Variants in C2CD2L observed in about 807,000 individuals in gnomAD.
C2CD2L encodes C2CD2 like.
In C2CD2L, 24 loss-of-function variants were observed where a neutral mutation model predicts 69.9. The observed-to-expected ratio is 0.34, with a 90% CI of 0.25 to 0.48. C2CD2L has a LOEUF of 0.48. C2CD2L is among the 20% of genes least tolerant of loss of function. The probability of loss-of-function intolerance (pLI) is 0.99; values close to 1 mark genes in which losing one functional copy is unlikely to be tolerated. For synonymous variants in C2CD2L, 367 were observed against 391.0 expected, an observed-to-expected ratio of 0.94 and a Z score of 0.72; for missense variants, 811 against 941.5, an observed-to-expected ratio of 0.86 and a Z score of 1.81.
intron 7 of C2CD2L, 21 bp from the exon 8 acceptor site, chr11:119,112,307 C>T: frequency 6.2e-7 from 1 of 1,608,082 alleles, no homozygotes; most frequent in Non-Finnish European, 8.5e-7. Flanking sequence ...CCTTCCTGCC[C>T]CATCTCCTCT....
At chr11:119,111,809 C>T (rs1393297968) in intron 7 of C2CD2L, 180 bp downstream of exon 7, 5 of 576,844 alleles carry the variant, frequency 8.7e-6, no homozygotes, top group South Asian at 6.4e-5. Flanking sequence ...GCCCCCACCC[C>T]TGGGTCAATG....
rs1359035865 is a variant in C2CD2L, at chr11:119,117,405, C to G, written c.*1149C>G. ...GCTCCTTCTAGGATGTAATGGAGATCAAAGCTTGGACCCTGTAACTAGACT... is the reference window on the plus strand; with the variant it reads ...GCTCCTTCTAGGATGTAATGGAGATGAAAGCTTGGACCCTGTAACTAGACT... On this transcript the variant is annotated 3_prime_UTR_variant, in exon 14 of 14. Transcript: ENST00000648610. 1 of 152,238 alleles carries G rather than the reference C, an allele frequency of 6.6e-6. No homozygotes were observed. The highest frequency in any genetic ancestry group is 1.5e-5 in the Non-Finnish European group (1 of 68,060). 9.4% of individuals were successfully genotyped at this position (152,238 alleles called of 1,614,324 possible). A position where few individuals can be genotyped will look rare whatever the true frequency, so the allele number is the denominator to read the frequency against.
rs540650239 is a variant in C2CD2L, at chr11:119,116,417, C to T, written c.*161C>T. On this transcript the variant is annotated 3_prime_UTR_variant, in exon 14 of 14. Coordinates refer to ENST00000648610, the MANE Select transcript of C2CD2L (RefSeq NM_001290474.2). ...GGGCCGGTTGGAAGGATACTTGGAA[C>T]GGGAAGCACATGAGAGGTGGGCACC... The T allele has an allele frequency of 2.8e-4, 178 of 633,602 alleles. 1 individual carries two copies. Among genetic ancestry groups the T allele is most frequent in the South Asian group, 2.1e-3 (111 of 52,012 alleles). The allele number at this position is 633,602 out of a possible 1,614,324, so 39.2% of individuals were successfully genotyped here.
chr11:119,103,515 G>A (rs1297891467), upstream of C2CD2L, among the ~76,000 whole-genome samples: 2 of 152,162 alleles, frequency 1.3e-5, no homozygotes, highest in African/African-American at 4.8e-5. Context: ...TGGCCAACAC[G>A]GTGAAACCCC....
intron 7 of C2CD2L, chr11:119,111,851 A>G: frequency 1.9e-6 from 1 of 531,576 alleles, no homozygotes; most frequent in South Asian, 2.4e-5. Flanking sequence ...GTGTACATAA[A>G]GAAGATGGTA....
upstream of C2CD2L, among the ~76,000 whole-genome samples, chr11:119,103,502 G>GC (rs1204519479): frequency 6.6e-6 from 1 of 152,296 alleles, no homozygotes; most frequent in East Asian, 1.9e-4. Flanking sequence ...TTCGAGACCA[G>GC]CCTGGCCAAC....
Position 119,116,058 on chromosome 11 carries a change from C to T in C2CD2L, c.1923C>T (p.Arg641=). 6.2e-7 allele frequency: 1 copy of T among 1,613,880 alleles called. No individual in the cohort carries two copies. The highest frequency in any genetic ancestry group is 1.7e-5 in the Admixed American group (1 of 60,024). ...SLKDHKVSFL[R]SGTKLIFRRR... ...CTTCCCCTGCAGTGAGTTTCCTGCG[C>T]AGCGGCACTAAGCTCATCTTCCGCC... The change falls in exon 14 of 14, where the codon CGC becomes CGT. Residue 641 remains arginine (R), a synonymous_variant. Transcript: ENST00000648610.
chr11:119,115,657 T>C (rs905338245), intron 13 of C2CD2L: 16 of 329,234 alleles, frequency 4.9e-5, no homozygotes, highest in African/African-American at 2.7e-4. Flanking sequence ...TCATGATTTA[T>C]AGACTTTTGG....
Position 119,109,798 on chromosome 11 carries a change from G to T in C2CD2L, c.355-306G>T, listed in dbSNP as rs1946688219. On this transcript the variant is annotated intron_variant, in intron 1 of 13. Coordinates refer to ENST00000648610, the MANE Select transcript of C2CD2L (RefSeq NM_001290474.2). This position sits in a 1 kb window ranked among gnomAD's most constrained non-coding sequence, Gnocchi z 5.1. ...GGTAGGGTAGGGGATGAAAGGGATT[G>T]CAGGGAGAAGAAGAAGGAAGCTCTT... 6.6e-6 allele frequency among the ~76,000 whole-genome samples: 1 copy of T among 152,162 alleles called. No individual in the cohort carries two copies. The highest frequency in any genetic ancestry group is 1.5e-5 in the Non-Finnish European group (1 of 67,996).
upstream of C2CD2L, chr11:119,107,180 G>A (rs1946606254): frequency 6.6e-6 from 1 of 152,284 alleles, no homozygotes; most frequent in African/African-American, 2.4e-5. The surrounding 1 kb of genome is among the most constrained non-coding windows in gnomAD (Gnocchi z 5.4). Flanking sequence ...GCGATTGCAA[G>A]ATGGGGCGAG....
In C2CD2L at chr11:119,114,832, CA is replaced by C. The variant is rs774722471; in HGVS notation, c.1909+468del. On this transcript the variant is annotated intron_variant, in intron 13 of 13. Coordinates refer to ENST00000648610, the MANE Select transcript of C2CD2L (RefSeq NM_001290474.2). The surrounding 1 kb of genome is among the most constrained non-coding windows in gnomAD (Gnocchi z 5.1). ...GCACACACCTGTAATCTCAGCTACT[CA>C]GGGGGCTGAGGAGGGAGGATTCCTT... 1.6e-5 allele frequency: 3 copies of C among 183,834 alleles called. No homozygotes were observed. The highest frequency in any genetic ancestry group is 2.4e-5 in the African/African-American group (1 of 41,688). 11.4% of individuals were successfully genotyped at this position (183,834 alleles called of 1,614,324 possible).
chr11:119,110,969 G>A lies in C2CD2L; in HGVS notation c.681+12G>A. 6.2e-7 allele frequency: 1 copy of A among 1,614,044 alleles called. No homozygotes were observed. Among genetic ancestry groups the A allele is most frequent in the Non-Finnish European group, 8.5e-7 (1 of 1,179,896 alleles). Reference sequence around the variant, plus strand: ...TTCAGGCCAGGGAGGTAAGGAGGCAGAGCTGGCAGAGAAGAGGCAGAACGG... The same window carrying A: ...TTCAGGCCAGGGAGGTAAGGAGGCAAAGCTGGCAGAGAAGAGGCAGAACGG... On this transcript the variant is annotated intron_variant, in intron 4 of 13. Transcript: ENST00000648610. The surrounding 1 kb of genome is among the most constrained non-coding windows in gnomAD (Gnocchi z 5.7).
At position 119,110,101 on chromosome 11, in the gene C2CD2L, C is replaced by T. The variant is rs1946695403; in HGVS notation, c.355-3C>T. Reference sequence around the variant, plus strand: ...TGATCCAATGCCCACATTACTCCCTCAGAGCTCCATCCAAATCGCCTTTGA... The same window carrying T: ...TGATCCAATGCCCACATTACTCCCTTAGAGCTCCATCCAAATCGCCTTTGA... On this transcript the variant is annotated splice_region_variant and splice_polypyrimidine_tract_variant and intron_variant, in intron 1 of 13. Coordinates refer to ENST00000648610, the MANE Select transcript of C2CD2L (RefSeq NM_001290474.2). This position sits in a 1 kb window ranked among gnomAD's most constrained non-coding sequence, Gnocchi z 5.7. 1 of 1,609,802 alleles carries T rather than the reference C, an allele frequency of 6.2e-7. No individual in the cohort carries two copies.
In C2CD2L at chr11:119,114,507, G is replaced by A; in HGVS notation, c.1909+142G>A. 1.3e-6 allele frequency: 1 copy of A among 790,574 alleles called. No homozygotes were observed. The highest frequency in any genetic ancestry group is 1.7e-5 in the South Asian group (1 of 57,582). The allele number at this position is 790,574 out of a possible 1,614,324, so 49.0% of individuals were successfully genotyped here. The stretch of plus-strand genomic sequence containing the variant: ...AGCCTAGTTCAGCCAAGCTAGCCTA[G>A]AGGGGGATCTTGGTGCCTTGGTTCC... On this transcript the variant is annotated intron_variant, in intron 13 of 13. Transcript: ENST00000648610. The surrounding 1 kb of genome is among the most constrained non-coding windows in gnomAD (Gnocchi z 5.1).
At position 119,114,521 on chromosome 11, in the gene C2CD2L, T is replaced by A; in HGVS notation, c.1909+156T>A. 1.4e-6 allele frequency: 1 copy of A among 694,706 alleles called. No individual in the cohort carries two copies. The highest frequency in any genetic ancestry group is 2.7e-5 in the East Asian group (1 of 37,092). The allele number at this position is 694,706 out of a possible 1,614,324, so 43.0% of individuals were successfully genotyped here. A position where few individuals can be genotyped will look rare whatever the true frequency, so the allele number is the denominator to read the frequency against. ...AAGCTAGCCTAGAGGGGGATCTTGG[T>A]GCCTTGGTTCCTGGCCTAGATCTGA... On this transcript the variant is annotated intron_variant, in intron 13 of 13. Coordinates refer to ENST00000648610, the MANE Select transcript of C2CD2L (RefSeq NM_001290474.2). This position sits in a 1 kb window ranked among gnomAD's most constrained non-coding sequence, Gnocchi z 5.1.
rs1946734257 is a variant in C2CD2L, at chr11:119,111,288, T to A, written c.824T>A (p.Met275Lys). 2 of 1,614,208 alleles carry A rather than the reference T, an allele frequency of 1.2e-6. No homozygotes were observed. The highest frequency in any genetic ancestry group is 1.7e-6 in the Non-Finnish European group (2 of 1,180,036). Residue 275 changes from methionine (M) to lysine (K), a missense_variant, in exon 6 of 14, where the codon ATG (methionine) becomes AAG (lysine). Transcript: ENST00000648610. Reference sequence around the variant, plus strand: ...GTACCCAGTGAGAAGCCACCCATGATGCCCCAGGCTCAGCCAGCCATCCCC... The same window carrying A: ...GTACCCAGTGAGAAGCCACCCATGAAGCCCCAGGCTCAGCCAGCCATCCCC... The part of the protein sequence containing the change: ...GLVPSEKPPM[M>K]PQAQPAIPRP...
At chr11:119,115,948 C>A (rs1220439497) in intron 13 of C2CD2L, 97 bp from the exon 14 acceptor site, 2 of 975,596 alleles carry the variant, frequency 2.1e-6, no homozygotes, top group South Asian at 2.9e-5. Flanking sequence ...CTGATCCTGT[C>A]CACATCCTCT....
At chr11:119,105,596 C>T (rs1332368417), upstream of C2CD2L, among the ~76,000 whole-genome samples, 1 of 149,844 alleles carries the variant, frequency 6.7e-6, no homozygotes, top group African/African-American at 2.5e-5. Flanking sequence ...GCCAAGATCT[C>T]GCTACTGCAC....
chr11:119,110,285 G>A lies in C2CD2L; in HGVS notation c.450+86G>A. On this transcript the variant is annotated intron_variant, in intron 2 of 13. Transcript: ENST00000648610. The surrounding 1 kb of genome is among the most constrained non-coding windows in gnomAD (Gnocchi z 5.7). ...CCTTTAGTCCAGAGGTTCTTAACCT[G>A]GAGTCTGTGAATGCCTTATGGATCT... The A allele has an allele frequency of 9.7e-7, 1 of 1,035,426 alleles. No homozygotes were observed. The highest frequency in any genetic ancestry group is 1.5e-6 in the Non-Finnish European group (1 of 675,584). The allele number at this position is 1,035,426 out of a possible 1,614,324, so 64.1% of individuals were successfully genotyped here.
Sources: gnomAD v4.1 joint callset for allele counts (sites outside exome capture counted in the v4.1 genomes callset) on GRCh38, gnomAD v4.1.1 for gene constraint, Gnocchi (gnomAD v3.1) non-coding constraint, MANE v1.5 for transcripts, NCBI Gene and HGNC (gene_info 2026-07-23, HGNC 2026-07-21) for gene names.